GALNT11: variants seen among roughly 807,000 people sequenced by gnomAD.
The protein encoded by GALNT11 is polypeptide N-acetylgalactosaminyltransferase 11, also known as UDP-GalNAc:polypeptide N-acetylgalactosaminyltransferase 11.
Under a neutral mutation model 72.7 loss-of-function variants are expected in GALNT11, and 47 were observed. The observed-to-expected ratio is 0.65, with a 90% confidence interval of 0.51 to 0.82. The LOEUF (loss-of-function observed/expected upper bound fraction) is 0.82. Among genes scored for constraint, GALNT11 ranks in the 40% least tolerant of loss-of-function variants. The pLI, the probability that GALNT11 is intolerant of heterozygous loss-of-function variation, is 0.00. For synonymous variants in GALNT11, 270 were observed against 286.6 expected (o/e 0.94, Z 0.58); for missense variants, 677 against 778.4 (o/e 0.87, Z 1.55).
rs1009965747 is a variant in GALNT11, at chr7:152,121,818, G to A, written c.*141G>A. On this transcript the variant is annotated 3_prime_UTR_variant, in exon 12 of 12. Transcript: ENST00000430044. ...TCCCTGTCCTCCCGGAGATGCCTGGGTGTGTTAGCAGAGGTGACACGTGTC... is the reference window on the plus strand; with the variant it reads ...TCCCTGTCCTCCCGGAGATGCCTGGATGTGTTAGCAGAGGTGACACGTGTC... The A allele has an allele frequency of 1.8e-6, 2 of 1,088,110 alleles. No individual in the cohort carries two copies. Among genetic ancestry groups the A allele is most frequent in the Non-Finnish European group, 1.3e-6 (1 of 773,268 alleles). 67.4% of individuals were successfully genotyped at this position (1,088,110 alleles called of 1,614,324 possible).
At chr7:152,078,019 C>T (rs2085084930) in intron 1 of GALNT11, among the ~76,000 whole-genome samples, 1 of 151,402 alleles carries the variant, frequency 6.6e-6, no homozygotes, top group Non-Finnish European at 1.5e-5. Context: ...TCAGTGGATT[C>T]AGCAGATTAG....
At chr7:152,070,020 A>T (rs1193235031) in intron 1 of GALNT11, among the ~76,000 whole-genome samples, 7 of 143,358 alleles carry the variant, frequency 4.9e-5, no homozygotes, top group African/African-American at 8.3e-5. Flanking sequence ...TTTTTGAGAC[A>T]GAGTCTCCCT....
chr7:152,030,270 G>A (rs1216645212), intron 1 of GALNT11, among the ~76,000 whole-genome samples: 7 of 152,188 alleles, frequency 4.6e-5, no homozygotes, highest in Non-Finnish European at 1.5e-5. Context: ...CGGGACGCTG[G>A]TGTTACCACT....
intron 1 of GALNT11, among the ~76,000 whole-genome samples, chr7:152,055,557 GTGTGTGTGTGTATA>G (rs1357497915): frequency 3.6e-5 from 5 of 139,668 alleles, no homozygotes; most frequent in African/African-American, 1.6e-4. Flanking sequence ...GTGTGTGTGT[GTGTGTGTGTGTATA>G]TATACATATA....
At chr7:152,072,699 C>T (rs963107259) in intron 1 of GALNT11, among the ~76,000 whole-genome samples, 1 of 152,174 alleles carries the variant, frequency 6.6e-6, no homozygotes, top group African/African-American at 2.4e-5. Flanking sequence ...TCCTCACTGC[C>T]TTTACCTGTT....
chr7:152,055,912 T>C (rs149658632), intron 1 of GALNT11, among the ~76,000 whole-genome samples: 1 of 152,138 alleles, frequency 6.6e-6, no homozygotes, highest in East Asian at 1.9e-4. Context: ...CCCCCAATGG[T>C]AATATCTTGC....
chr7:152,077,936 A>G (rs117601881), intron 1 of GALNT11, among the ~76,000 whole-genome samples: 236 of 152,194 alleles, frequency 1.6e-3, no homozygotes, highest in Non-Finnish European at 2.5e-3. Flanking sequence ...GAAACTTAAT[A>G]TAAGGGGGCA....
At chr7:152,071,292 G>A (rs1339025417) in intron 1 of GALNT11, among the ~76,000 whole-genome samples, 1 of 152,106 alleles carries the variant, frequency 6.6e-6, no homozygotes, top group African/African-American at 2.4e-5. Context: ...ACCTGGGGGT[G>A]CTGTTTATAA....
intron 1 of GALNT11, among the ~76,000 whole-genome samples, chr7:152,029,479 T>C (rs563804066): frequency 6.6e-6 from 1 of 152,338 alleles, no homozygotes; most frequent in East Asian, 1.9e-4. Flanking sequence ...TAGAATAATA[T>C]ATGTTTACAC....
chr7:152,063,925 T>C (rs1159661884), intron 1 of GALNT11, among the ~76,000 whole-genome samples: 2 of 152,200 alleles, frequency 1.3e-5, no homozygotes, highest in Non-Finnish European at 2.9e-5. Flanking sequence ...CTGAGAAGAA[T>C]GTATATTCTG....
chr7:152,050,121 A>G (rs2083323202), intron 1 of GALNT11, among the ~76,000 whole-genome samples: 2 of 152,014 alleles, frequency 1.3e-5, no homozygotes, highest in African/African-American at 4.8e-5. Flanking sequence ...CCACACTGAT[A>G]CCTAGGCTGC....
intron 1 of GALNT11, among the ~76,000 whole-genome samples, chr7:152,049,733 T>A (rs1332593533): frequency 1.3e-5 from 2 of 152,172 alleles, no homozygotes; most frequent in Non-Finnish European, 2.9e-5. Flanking sequence ...CCCCTCAGTC[T>A]TAGGTCCAGT....
In GALNT11 at chr7:152,099,635, G is replaced by A. The variant is rs147067525; in HGVS notation, c.296-1163G>A. ...ACTCCTGACCTCAAGCAATCTGCCCGCCTCCACTTCCCATAGTGCTGGGAT... is the reference window on the plus strand; with the variant it reads ...ACTCCTGACCTCAAGCAATCTGCCCACCTCCACTTCCCATAGTGCTGGGAT... On this transcript the variant is annotated intron_variant, in intron 2 of 11. Coordinates refer to ENST00000430044, the MANE Select transcript of GALNT11 (RefSeq NM_022087.4). 5.5e-4 allele frequency among the ~76,000 whole-genome samples: 76 copies of A among 138,074 alleles called. No individual in the cohort carries two copies. In the East Asian group the frequency reaches 0.013, roughly 23 times the overall value. 90.6% of individuals were successfully genotyped at this position (138,074 alleles called of 152,430 possible).
chr7:152,092,986 T>C (rs1340547218), intron 1 of GALNT11, among the ~76,000 whole-genome samples: 1 of 152,150 alleles, frequency 6.6e-6, no homozygotes. Flanking sequence ...CCCAGCACTT[T>C]GGGAGGCCAA....
intron 1 of GALNT11, among the ~76,000 whole-genome samples, chr7:152,028,708 G>C (rs891838196): frequency 8.5e-5 from 13 of 152,200 alleles, no homozygotes; most frequent in African/African-American, 3.1e-4. Context: ...CACCCCAACT[G>C]CTGTTGGGAA....
At chr7:152,032,400 C>G (rs181613991) in intron 1 of GALNT11, among the ~76,000 whole-genome samples, 2 of 152,228 alleles carry the variant, frequency 1.3e-5, no homozygotes, top group Non-Finnish European at 2.9e-5. Flanking sequence ...TCTGCTTCCT[C>G]TGGTATTTGA....
chr7:152,039,780 C>T (rs888977699), intron 1 of GALNT11, among the ~76,000 whole-genome samples: 3 of 152,158 alleles, frequency 2.0e-5, no homozygotes. Flanking sequence ...CAAGCATAAC[C>T]TCTACCCCAA....
intron 1 of GALNT11, among the ~76,000 whole-genome samples, chr7:152,072,310 G>A (rs543883477): frequency 8.1e-5 from 11 of 135,094 alleles, no homozygotes; most frequent in African/African-American, 1.4e-4. Context: ...GTGAGACTCC[G>A]TCTCAAAAAA....
intron 9 of GALNT11, chr7:152,118,412 T>TA: frequency 2.6e-6 from 1 of 380,160 alleles, no homozygotes; most frequent in Non-Finnish European, 4.7e-6. Flanking sequence ...TGTAGATTAG[T>TA]AAACATGTAT....
Sources: gnomAD v4.1 joint callset for allele counts (sites outside exome capture counted in the v4.1 genomes callset) on GRCh38, gnomAD v4.1.1 for gene constraint, MANE v1.5 for transcripts, NCBI Gene and HGNC (gene_info 2026-07-23, HGNC 2026-07-21) for gene names.